Variants in SCYL1 observed in about 807,000 individuals in gnomAD.
The protein encoded by SCYL1 is N-terminal kinase-like protein.
In SCYL1, 85 loss-of-function variants were observed where a neutral mutation model predicts 94.8. The ratio of observed to expected loss-of-function variants is 0.90; its 90% CI spans 0.75 to 1.07. SCYL1 has a LOEUF of 1.07. Ranked by LOEUF, SCYL1 falls within the 50% of genes least tolerant of loss-of-function variation. The pLI, the probability that SCYL1 is intolerant of heterozygous loss-of-function variation, is 0.00. For missense variants in SCYL1, 968 were observed against 1,083.3 expected (o/e 0.89, Z 1.49); for synonymous variants, 459 against 435.5 (o/e 1.05, Z -0.67).
intron 13 of SCYL1, 96 bp downstream of exon 13, chr11:65,536,846 A>G (rs2135092176): frequency 7.1e-7 from 1 of 1,414,402 alleles, no homozygotes; most frequent in Non-Finnish European, 9.8e-7. Flanking sequence ...GGGATGGTGA[A>G]GGGGATATAG....
Position 65,525,102 on chromosome 11 carries a change from G to C in SCYL1, c.-52G>C. On this transcript the variant is annotated 5_prime_UTR_variant, in exon 1 of 18. Transcript: ENST00000270176. ...CTCTCCGCCCCGCCCCGGCTCGGGC[G>C]GCCGGAGGACCCGGAGCTAAGGCGC... The C allele has an allele frequency of 1.6e-6, 2 of 1,213,042 alleles. No homozygotes were observed. Among genetic ancestry groups the C allele is most frequent in the Non-Finnish European group, 2.1e-6 (2 of 946,872 alleles). 75.1% of individuals were successfully genotyped at this position (1,213,042 alleles called of 1,614,324 possible).
Position 65,526,681 on chromosome 11 carries a change from T to C in SCYL1, c.603-102T>C. The C allele has an allele frequency of 1.8e-6, 2 of 1,131,848 alleles. No homozygotes were observed. The highest frequency in any genetic ancestry group is 2.6e-6 in the Non-Finnish European group (2 of 783,560). 70.1% of individuals were successfully genotyped at this position (1,131,848 alleles called of 1,614,324 possible). On this transcript the variant is annotated intron_variant, in intron 4 of 17. Transcript: ENST00000270176. The surrounding 1 kb of genome is among the most constrained non-coding windows in gnomAD (Gnocchi z 4.1). ...GGACTGATGGCTCAGCTGAGGGACA[T>C]AGCCAGGCCCTGGCATGCAGTGGGT...
At chr11:65,525,871 C>A in intron 2 of SCYL1, 50 bp from the exon 3 acceptor site, 1 of 1,596,882 alleles carries the variant, frequency 6.3e-7, no homozygotes, top group Non-Finnish European at 8.5e-7. Context: ...GCTTATCTCT[C>A]CTTCCTCTCT....
In SCYL1 at chr11:65,535,280, G is replaced by A. The variant is rs777966581; in HGVS notation, c.1284G>A (p.Leu428=). Residue 428 remains leucine, a synonymous_variant, in exon 10 of 18, where the codon CTG becomes CTA. Transcript: ENST00000270176. The part of the protein sequence containing the change: ...KLNEANLNVE[L]MKHFARLQAK... Reference sequence around the variant, plus strand: ...ACGAGGCCAACCTCAATGTGGAGCTGATGAAGCACTTTGCACGGCTACAGG... The same window carrying A: ...ACGAGGCCAACCTCAATGTGGAGCTAATGAAGCACTTTGCACGGCTACAGG... 6.2e-7 allele frequency: 1 copy of A among 1,614,238 alleles called. No homozygotes were observed.
intron 6 of SCYL1, among the ~76,000 whole-genome samples, chr11:65,528,629 G>A (rs985616847): frequency 2.0e-5 from 3 of 151,158 alleles, no homozygotes; most frequent in South Asian, 2.1e-4. Context: ...GCATGGTGGC[G>A]CATACCTGTA....
In SCYL1 at chr11:65,525,709, C is replaced by G. The variant is rs752169740; in HGVS notation, c.247C>G (p.Leu83Val). 6.2e-7 allele frequency: 1 copy of G among 1,612,694 alleles called. No homozygotes were observed. Among genetic ancestry groups the G allele is most frequent in the Non-Finnish European group, 8.5e-7 (1 of 1,179,844 alleles). ...HPNILAYIDGLETEKCLHVVT... is the reference protein window; with the variant it reads ...HPNILAYIDGVETEKCLHVVT... ...CAACATCCTGGCTTACATCGATGGA[C>G]TGGAGGTACCTGCTGCCTTGCCTGC... The change falls in exon 2 of 18, where the codon CTG becomes GTG. Residue 83 changes from leucine (L) to valine (V), a missense_variant. Around this residue, in one of 2 missense-constraint regions of SCYL1, gnomAD observed 494 missense variants for 619.7 expected, o/e 0.80. Transcript: ENST00000270176.
At chr11:65,537,408 G>A (rs1855728476) in intron 14 of SCYL1, among the ~76,000 whole-genome samples, 1 of 152,100 alleles carries the variant, frequency 6.6e-6, no homozygotes, top group South Asian at 2.1e-4. Flanking sequence ...CTCCTCCAGT[G>A]CCCACCCAGC....
At position 65,526,699 on chromosome 11, in the gene SCYL1, CA is replaced by C; in HGVS notation, c.603-83del. On this transcript the variant is annotated intron_variant, in intron 4 of 17. Coordinates refer to ENST00000270176, the MANE Select transcript of SCYL1 (RefSeq NM_020680.4). The surrounding 1 kb of genome is among the most constrained non-coding windows in gnomAD (Gnocchi z 4.1). Reference sequence around the variant, plus strand: ...AGGGACATAGCCAGGCCCTGGCATGCAGTGGGTGCCTGGTGCCCAAGGCAGG... The same window carrying C: ...AGGGACATAGCCAGGCCCTGGCATGCGTGGGTGCCTGGTGCCCAAGGCAGG... 5 of 1,314,164 alleles carry C rather than the reference CA, an allele frequency of 3.8e-6. No individual in the cohort carries two copies. In the South Asian group the frequency reaches 6.3e-5, roughly 17 times the overall value. The allele number at this position is 1,314,164 out of a possible 1,614,324, so 81.4% of individuals were successfully genotyped here. A position where few individuals can be genotyped will look rare whatever the true frequency, so the allele number is the denominator to read the frequency against.
chr11:65,538,107 G>A lies in SCYL1; in HGVS notation c.2172G>A (p.Glu724=), dbSNP rs1475045092. ...PPPDGTRLAS[E]YNWGGPESSD... Reference sequence around the variant, plus strand: ...CTGACGGTACACGGCTGGCCAGCGAGTATAACTGGGGTGGCCCAGAGTCCA... The same window carrying A: ...CTGACGGTACACGGCTGGCCAGCGAATATAACTGGGGTGGCCCAGAGTCCA... Residue 724 remains glutamate, a synonymous_variant, in exon 16 of 18, where the codon GAG becomes GAA. Coordinates refer to ENST00000270176, the MANE Select transcript of SCYL1 (RefSeq NM_020680.4). 3 of 1,604,178 alleles carry A rather than the reference G, an allele frequency of 1.9e-6. No homozygotes were observed. The highest frequency in any genetic ancestry group is 2.2e-5 in the East Asian group (1 of 44,536).
At position 65,526,394 on chromosome 11, in the gene SCYL1, A is replaced by C; in HGVS notation, c.602+44A>C. ...CGCGCCCCAACCTGCCCTGTCCTGG[A>C]GGCCCCTGCAGCCTCAGGACTCCTA... On this transcript the variant is annotated intron_variant, in intron 4 of 17. Coordinates refer to ENST00000270176, the MANE Select transcript of SCYL1 (RefSeq NM_020680.4). This position sits in a 1 kb window ranked among gnomAD's most constrained non-coding sequence, Gnocchi z 4.1. 1 of 1,471,184 alleles carries C rather than the reference A, an allele frequency of 6.8e-7. No homozygotes were observed. Among genetic ancestry groups the C allele is most frequent in the Non-Finnish European group, 9.2e-7 (1 of 1,081,546 alleles). The allele number at this position is 1,471,184 out of a possible 1,614,324, so 91.1% of individuals were successfully genotyped here.
At position 65,526,125 on chromosome 11, in the gene SCYL1, A is replaced by G. The variant is rs1354449410; in HGVS notation, c.377A>G (p.Lys126Arg). Residue 126 changes from lysine to arginine, a missense_variant and splice_region_variant, in exon 4 of 18, where the codon AAA becomes AGA. By Grantham distance (26) the Lys-to-Arg change is conservative. Coordinates refer to ENST00000270176, the MANE Select transcript of SCYL1 (RefSeq NM_020680.4). This position sits in a 1 kb window ranked among gnomAD's most constrained non-coding sequence, Gnocchi z 4.1. ...CGTGATGGCTCCTTTTGCCCCCAGA[A>G]AGCCCTCAGCTTCCTGGTCAACGAC... is the stretch of plus-strand genomic sequence containing the variant. Reference protein sequence around the residue: ...EISWGLHQIVKALSFLVNDCS... With the variant: ...EISWGLHQIVRALSFLVNDCS... 6.2e-7 allele frequency: 1 copy of G among 1,612,896 alleles called. No homozygotes were observed. Among genetic ancestry groups the G allele is most frequent in the Non-Finnish European group, 8.5e-7 (1 of 1,179,818 alleles).
Position 65,536,747 on chromosome 11 carries a change from G to C in SCYL1, c.1813G>C (p.Glu605Gln). Residue 605 changes from glutamate to glutamine, a missense_variant, in exon 13 of 18, where the codon GAA becomes CAA. Physicochemically the swap from Glu to Gln is conservative, Grantham distance 29. Around this residue, in one of 2 missense-constraint regions of SCYL1, gnomAD observed 474 missense variants for 463.6 expected, o/e 1.02. Coordinates refer to ENST00000270176, the MANE Select transcript of SCYL1 (RefSeq NM_020680.4). ...CAACATTCCCCAAAGACCCACGCCT[G>C]AAGGTGAGTGTCCTGGCCTAGCTGC... ...ETNIPQRPTP[E>Q]GVPAPAPTPV... The C allele has an allele frequency of 6.3e-7, 1 of 1,598,988 alleles. No homozygotes were observed. The highest frequency in any genetic ancestry group is 8.6e-7 in the Non-Finnish European group (1 of 1,169,132).
In SCYL1 at chr11:65,536,133, C is replaced by T. The variant is rs879895102; in HGVS notation, c.1567C>T (p.Arg523Ter). 9 of 1,613,022 alleles carry T rather than the reference C, an allele frequency of 5.6e-6. No individual in the cohort carries two copies. The highest frequency in any genetic ancestry group is 2.2e-5 in the East Asian group (1 of 44,876). ...GLTVDPEKSV[R>*]DQAFKAIRSF... ...CACTGTAGATCCTGAGAAATCCGTG[C>T]GAGACCAGGTGAGGCACAGCTGGGC... Residue 523 changes from arginine (R) to a stop codon, truncating the protein, a stop_gained, in exon 11 of 18, where the codon CGA (arginine) becomes TGA (stop). Coordinates refer to ENST00000270176, the MANE Select transcript of SCYL1 (RefSeq NM_020680.4). LOFTEE classifies it high-confidence loss of function.
chr11:65,535,372 T>G lies in SCYL1; in HGVS notation c.1376T>G (p.Leu459Arg), dbSNP rs1565076587. 1 of 1,614,128 alleles carries G rather than the reference T, an allele frequency of 6.2e-7. No homozygotes were observed. The highest frequency in any genetic ancestry group is 8.5e-7 in the Non-Finnish European group (1 of 1,179,964). The change falls in exon 10 of 18, where the codon CTC (leucine) becomes CGC (arginine). Residue 459 changes from leucine (L) to arginine (R), a missense_variant. By Grantham distance (102) the Leu-to-Arg change is moderately radical. This residue lies in a region of SCYL1 where 474 missense variants were observed against 463.6 expected (regional missense o/e 1.02). Transcript: ENST00000270176. ...TGCCTGGGCAAAATCGGCTCCTACC[T>G]CAGTGCTAGCGTGAGTGTCCTGCAC... The part of the protein sequence containing the change: ...TVCLGKIGSY[L>R]SASTRHRVLT...
intron 6 of SCYL1, among the ~76,000 whole-genome samples, chr11:65,529,445 G>T (rs552974347): frequency 6.6e-6 from 1 of 152,224 alleles, no homozygotes; most frequent in African/African-American, 2.4e-5. Flanking sequence ...TTGTTAGGTG[G>T]AGTGGTGGGG....
At position 65,525,526 on chromosome 11, in the gene SCYL1, C is replaced by T. The variant is rs770158613; in HGVS notation, c.112-48C>T. The T allele has an allele frequency of 5.7e-6, 9 of 1,587,308 alleles. No homozygotes were observed. In the East Asian group the frequency reaches 1.6e-4, roughly 28 times the overall value. On this transcript the variant is annotated intron_variant, in intron 1 of 17. Coordinates refer to ENST00000270176, the MANE Select transcript of SCYL1 (RefSeq NM_020680.4). ...CTGGCTGCGGGCCCTTGTCTTCCGG[C>T]CACACAACAGCTCTGGGACCATCTC...
chr11:65,525,460 G>T (rs1377244150), intron 1 of SCYL1, 114 bp from the exon 2 acceptor site: 4 of 1,332,182 alleles, frequency 3.0e-6, no homozygotes, highest in Admixed American at 2.6e-5. Flanking sequence ...GGGGTCACGT[G>T]GGCCCGGCGA....
intron 1 of SCYL1, 110 bp from the exon 2 acceptor site, chr11:65,525,464 C>G: frequency 7.3e-7 from 1 of 1,365,990 alleles, no homozygotes; most frequent in South Asian, 1.5e-5. Context: ...TCACGTGGGC[C>G]CGGCGAAGTG....
chr11:65,529,706 C>G (rs1855274798), intron 6 of SCYL1, among the ~76,000 whole-genome samples: 1 of 152,198 alleles, frequency 6.6e-6, no homozygotes, highest in African/African-American at 2.4e-5. Flanking sequence ...GTCATGACCC[C>G]TGCCTGGCCA....
Sources: allele counts gnomAD v4.1 joint callset (sites outside exome capture counted in the v4.1 genomes callset), GRCh38; gene constraint gnomAD v4.1.1; regional missense constraint gnomAD v4.1.1; non-coding constraint Gnocchi (gnomAD v3.1); transcripts MANE v1.5; gene names NCBI Gene and HGNC (gene_info 2026-07-23, HGNC 2026-07-21).